The following LRIG1 variants were observed in gnomAD, a reference collection of about 807,000 sequenced individuals.
LRIG1 encodes the protein leucine-rich repeats and immunoglobulin-like domains protein 1.
A neutral mutation model predicts 99.2 loss-of-function variants in LRIG1; 48 were observed. The ratio of observed to expected loss-of-function variants is 0.48; its 90% CI spans 0.38 to 0.62. The LOEUF (loss-of-function observed/expected upper bound fraction) is 0.62. LRIG1 is among the 20% of genes least tolerant of loss of function. The pLI is 0.00. For synonymous variants in LRIG1, 772 were observed against 596.1 expected, an observed-to-expected ratio of 1.29 and a Z score of -4.30; for missense variants, 1,646 against 1,434.4, an observed-to-expected ratio of 1.15 and a Z score of -2.38.
chr3:66,467,572 A>G (rs9837601), intron 1 of LRIG1, among the ~76,000 whole-genome samples: 6,031 of 152,046 alleles, frequency 0.04, 405 homozygotes, highest in African/African-American at 0.14. Context: ...CGTGTTAGCC[A>G]GGATGGTCTT....
chr3:66,385,266 C>G (rs1701316418), intron 13 of LRIG1, among the ~76,000 whole-genome samples: 1 of 152,160 alleles, frequency 6.6e-6, no homozygotes, highest in African/African-American at 2.4e-5. Flanking sequence ...GGGCTCACAC[C>G]AGCCTTGCAC....
chr3:66,463,488 G>A (rs578112748), intron 1 of LRIG1, among the ~76,000 whole-genome samples: 5 of 152,258 alleles, frequency 3.3e-5, no homozygotes, highest in South Asian at 2.1e-4. Flanking sequence ...CCTTAGAGGC[G>A]GACAAAGAGC....
At chr3:66,462,563 A>C in intron 1 of LRIG1, 54 bp from the exon 2 acceptor site, 1 of 1,252,064 alleles carries the variant, frequency 8.0e-7, no homozygotes, top group East Asian at 2.4e-5. Flanking sequence ...CATCATACCC[A>C]GAATTCAGAA....
chr3:66,407,635 C>G (rs748196489), intron 7 of LRIG1, 144 bp from the exon 8 acceptor site: 9 of 596,594 alleles, frequency 1.5e-5, no homozygotes, highest in Non-Finnish European at 2.6e-5. Flanking sequence ...ACACACACAC[C>G]CACACCCACA....
intron 7 of LRIG1, chr3:66,409,606 G>A (rs1418946518): frequency 6.4e-6 from 1 of 155,174 alleles, no homozygotes; most frequent in Non-Finnish European, 1.4e-5. Context: ...GAAAGGGAAG[G>A]GGCCAAGAAC....
chr3:66,412,770 T>C (rs1363616853), intron 6 of LRIG1, 101 bp downstream of exon 6: 66 of 1,374,020 alleles, frequency 4.8e-5, no homozygotes, highest in Non-Finnish European at 6.0e-5. Context: ...CACAGCAACG[T>C]TGGTGTTGGT....
intron 1 of LRIG1, among the ~76,000 whole-genome samples, chr3:66,488,630 C>A (rs184819117): frequency 3.3e-5 from 5 of 152,252 alleles, no homozygotes; most frequent in South Asian, 2.1e-4. Context: ...GAGTGAGACT[C>A]TGCCTCAAAA....
chr3:66,402,731 G>A (rs1047702105), intron 9 of LRIG1, among the ~76,000 whole-genome samples: 1 of 152,122 alleles, frequency 6.6e-6, no homozygotes, highest in Non-Finnish European at 1.5e-5. Context: ...TGCTCTAGAG[G>A]GGCGGCTCTT....
chr3:66,403,750 C>T (rs373761332), intron 9 of LRIG1, among the ~76,000 whole-genome samples: 28 of 152,222 alleles, frequency 1.8e-4, no homozygotes, highest in Admixed American at 3.3e-4. Flanking sequence ...ACCCAGGAAA[C>T]GGCTCCAGGT....
At chr3:66,382,491 C>T in intron 15 of LRIG1, 93 bp from the exon 16 acceptor site, 1 of 1,421,816 alleles carries the variant, frequency 7.0e-7, no homozygotes, top group Non-Finnish European at 9.9e-7. Flanking sequence ...GGGATCCTCC[C>T]AGTGACGACC....
intron 1 of LRIG1, among the ~76,000 whole-genome samples, chr3:66,491,827 C>G (rs902078911): frequency 6.6e-6 from 1 of 152,084 alleles, no homozygotes; most frequent in Non-Finnish European, 1.5e-5. Context: ...GTGACAGATA[C>G]CTAGAGTTCA....
intron 9 of LRIG1, among the ~76,000 whole-genome samples, chr3:66,399,757 G>T (rs752340776): frequency 6.6e-6 from 1 of 152,176 alleles, no homozygotes; most frequent in Non-Finnish European, 1.5e-5. Context: ...AACATAGCGG[G>T]ATGTTGTCTC....
intron 12 of LRIG1, chr3:66,387,989 C>T: frequency 6.7e-6 from 1 of 150,022 alleles, no homozygotes; most frequent in Non-Finnish European, 1.5e-5. Flanking sequence ...TGCCTGTAGT[C>T]CCAGCTACTA....
In LRIG1 at chr3:66,383,417, A is replaced by G. The variant is rs770713154; in HGVS notation, c.2072-16T>C. 1 of 1,527,834 alleles carries G rather than the reference A, an allele frequency of 6.5e-7. No homozygotes were observed. The highest frequency in any genetic ancestry group is 8.8e-7 in the Non-Finnish European group (1 of 1,134,278). 94.6% of individuals were successfully genotyped at this position (1,527,834 alleles called of 1,614,324 possible). A position where few individuals can be genotyped will look rare whatever the true frequency, so the allele number is the denominator to read the frequency against. Reference sequence around the variant, plus strand: ...GATGGGGTCTCTACAAGAGAGCAACAGAGATCTTAGTCATTCTCAGGGCCT... The same window carrying G: ...GATGGGGTCTCTACAAGAGAGCAACGGAGATCTTAGTCATTCTCAGGGCCT... On this transcript the variant is annotated splice_polypyrimidine_tract_variant and intron_variant, in intron 14 of 18. Transcript: ENST00000273261.
intron 3 of LRIG1, among the ~76,000 whole-genome samples, chr3:66,426,721 C>G (rs1243539015): frequency 6.6e-6 from 1 of 152,162 alleles, no homozygotes; most frequent in Non-Finnish European, 1.5e-5. Context: ...GATGGGCAAA[C>G]AGGGTTACTT....
Position 66,380,214 on chromosome 3 carries a change from C to T in LRIG1, c.*49G>A. 1 of 1,503,972 alleles carries T rather than the reference C, an allele frequency of 6.6e-7. No homozygotes were observed. The highest frequency in any genetic ancestry group is 9.1e-7 in the Non-Finnish European group (1 of 1,103,700). 93.2% of individuals were successfully genotyped at this position (1,503,972 alleles called of 1,614,324 possible). A position where few individuals can be genotyped will look rare whatever the true frequency, so the allele number is the denominator to read the frequency against. On this transcript the variant is annotated 3_prime_UTR_variant, in exon 19 of 19. Coordinates refer to ENST00000273261, the MANE Select transcript of LRIG1 (RefSeq NM_015541.3). ...CAAGCTTCCTCGCAGCCTCTCCTAC[C>T]TCTCTTTCCCGTAGAGATTGGTATG...
At position 66,421,322 on chromosome 3, in the gene LRIG1, G is replaced by A. The variant is rs181802252; in HGVS notation, c.366-4056C>T. Among the ~76,000 whole-genome samples, 111 of 152,284 alleles carry A rather than the reference G, an allele frequency of 7.3e-4. 1 individual carries two copies. Among genetic ancestry groups the A allele is most frequent in the African/African-American group, 2.6e-3 (106 of 41,554 alleles). On this transcript the variant is annotated intron_variant, in intron 3 of 18. Coordinates refer to ENST00000273261, the MANE Select transcript of LRIG1 (RefSeq NM_015541.3). ...AGTCCAAAGTCTCTTCTGAGACAAT[G>A]CAAGTCCCTCTGCCTATGAACCTGT...
chr3:66,390,554 T>C (rs569058711), intron 12 of LRIG1, among the ~76,000 whole-genome samples: 43 of 152,338 alleles, frequency 2.8e-4, no homozygotes, highest in Non-Finnish European at 5.1e-4. Flanking sequence ...CATTAGTCTA[T>C]AGATTCAATG....
At chr3:66,422,740 T>TG (rs1702859859) in intron 3 of LRIG1, among the ~76,000 whole-genome samples, 1 of 152,250 alleles carries the variant, frequency 6.6e-6, no homozygotes, top group Non-Finnish European at 1.5e-5. Context: ...TGTCCCACTC[T>TG]ACTGGTACCA....
Sources: gnomAD v4.1 joint callset for allele counts (sites outside exome capture counted in the v4.1 genomes callset) on GRCh38, gnomAD v4.1.1 for gene constraint, MANE v1.5 for transcripts, NCBI Gene and HGNC (gene_info 2026-07-23, HGNC 2026-07-21) for gene names.